LCORL: variants seen among roughly 807,000 people sequenced by gnomAD.
LCORL encodes the protein ligand dependent nuclear receptor corepressor like, also known as ligand-dependent nuclear receptor corepressor-like protein.
Under a neutral mutation model 141.8 loss-of-function variants are expected in LCORL, and 41 were observed. That is an observed-to-expected ratio of 0.29 (90% CI 0.23 to 0.38). LCORL has a LOEUF of 0.38. LCORL is among the 10% of genes least tolerant of loss of function. LCORL has a pLI of 1.00. For missense variants in LCORL, 1,759 were observed against 2,035.0 expected, an observed-to-expected ratio of 0.86 and a Z score of 2.61; for synonymous variants, 618 against 694.1, an observed-to-expected ratio of 0.89 and a Z score of 1.72.
chr4:17,927,398 C>T (rs763158528), intron 4 of LCORL, among the ~76,000 whole-genome samples: 2 of 152,182 alleles, frequency 1.3e-5, no homozygotes, highest in East Asian at 1.9e-4. Flanking sequence ...ATGTATTCAC[C>T]GGATTAGCAC....
chr4:17,933,210 G>A (rs1736331249), intron 4 of LCORL, among the ~76,000 whole-genome samples: 1 of 151,924 alleles, frequency 6.6e-6, no homozygotes, highest in Non-Finnish European at 1.5e-5. Context: ...ATATATTTCT[G>A]GAAAGCTATG....
rs569493350 is a variant in LCORL at position 17,851,134 on chromosome 4, G to T, written c.5603-5233C>A. ...CACACTCTGGGGACTGTTGTGGGGT[G>T]GGGGGAGGGGGGAGGGATAGCTTTA... On this transcript the variant is annotated intron_variant, in intron 7 of 7. Coordinates refer to ENST00000635767, the Ensembl canonical transcript of LCORL. Among the ~76,000 whole-genome samples the T allele has an allele frequency of 4.9e-3, 558 of 113,622 alleles. 16 individuals are homozygous for T. In the Admixed American group the frequency reaches 0.051, roughly 10 times the overall value. 74.5% of individuals were successfully genotyped at this position (113,622 alleles called of 152,430 possible). A position where few individuals can be genotyped will look rare whatever the true frequency, so the allele number is the denominator to read the frequency against.
intron 1 of LCORL, among the ~76,000 whole-genome samples, chr4:17,985,441 G>C (rs1398268064): frequency 2.0e-5 from 3 of 152,082 alleles, no homozygotes; most frequent in African/African-American, 4.8e-5. Flanking sequence ...TTATGAATCT[G>C]GTTGCTCCTC....
intron 1 of LCORL, among the ~76,000 whole-genome samples, chr4:17,986,805 T>G (rs1192402089): frequency 1.3e-5 from 2 of 152,210 alleles, no homozygotes; most frequent in Non-Finnish European, 2.9e-5. Flanking sequence ...ACTGAACTGT[T>G]GGTCTTTTAA....
At chr4:18,018,726 G>A (rs532080359) in intron 1 of LCORL, among the ~76,000 whole-genome samples, 10 of 152,244 alleles carry the variant, frequency 6.6e-5, no homozygotes, top group African/African-American at 2.4e-4. Flanking sequence ...CTAATTTGCT[G>A]TACAACCCTG....
intron 5 of LCORL, among the ~76,000 whole-genome samples, chr4:17,899,673 A>T (rs1314469815): frequency 6.6e-6 from 1 of 152,218 alleles, no homozygotes; most frequent in Non-Finnish European, 1.5e-5. Context: ...GATAACTTCA[A>T]GGTTATAAAG....
chr4:17,914,221 C>T (rs1388701296), intron 4 of LCORL, among the ~76,000 whole-genome samples: 1 of 152,172 alleles, frequency 6.6e-6, no homozygotes, highest in Admixed American at 6.5e-5. Flanking sequence ...CATTCTTCTT[C>T]ACCTTTTTTC....
At chr4:17,882,830 T>C (rs1424680398) in intron 6 of LCORL, 1 of 984,562 alleles carries the variant, frequency 1.0e-6, no homozygotes, top group Non-Finnish European at 1.2e-6. Context: ...ATTATCATTC[T>C]CAAGCTTTTT....
intron 5 of LCORL, among the ~76,000 whole-genome samples, chr4:17,894,660 A>G (rs1253529007): frequency 1.3e-5 from 2 of 152,202 alleles, no homozygotes; most frequent in African/African-American, 4.8e-5. Flanking sequence ...GATTGTGTTG[A>G]GATATCACAC....
At chr4:17,971,575 T>C (rs903351501) in intron 2 of LCORL, among the ~76,000 whole-genome samples, 1 of 151,792 alleles carries the variant, frequency 6.6e-6, no homozygotes, top group Non-Finnish European at 1.5e-5. Flanking sequence ...AGTGTAGTTA[T>C]GTGTTTTTTT....
intron 1 of LCORL, among the ~76,000 whole-genome samples, chr4:18,003,037 C>A (rs1004400735): frequency 6.6e-6 from 1 of 152,120 alleles, no homozygotes. Context: ...TTTTTTAAAT[C>A]GCAATCTGAC....
intron 4 of LCORL, among the ~76,000 whole-genome samples, chr4:17,953,645 C>A (rs990695868): frequency 6.6e-6 from 1 of 152,126 alleles, no homozygotes; most frequent in Non-Finnish European, 1.5e-5. Flanking sequence ...TTTTAAAAAA[C>A]CGTTGAAAGG....
intron 4 of LCORL, 36 bp downstream of exon 4, chr4:17,961,867 T>C (rs372651832): frequency 2.5e-5 from 40 of 1,582,302 alleles, no homozygotes; most frequent in Non-Finnish European, 3.3e-5. Flanking sequence ...TACATCTCTA[T>C]TGCAAATTTT....
intron 5 of LCORL, among the ~76,000 whole-genome samples, chr4:17,890,273 G>A (rs1728888455): frequency 6.6e-6 from 1 of 151,950 alleles, no homozygotes; most frequent in East Asian, 1.9e-4. Flanking sequence ...TTAATTTTTG[G>A]TGAATAAGTA....
In LCORL at chr4:17,996,799, C is replaced by T. The variant is rs970246247; in HGVS notation, c.155-23914G>A. Among the ~76,000 whole-genome samples the T allele has an allele frequency of 2.0e-5, 3 of 152,074 alleles. No homozygotes were observed. The South Asian group carries it at 6.2e-4, about 32-fold the overall frequency. On this transcript the variant is annotated intron_variant, in intron 1 of 7. Coordinates refer to ENST00000635767, the Ensembl canonical transcript of LCORL. ...AAATTCCAGGTTCACTAAAACCTCTCTCTCAAGGCTTTTATAATGGATATC... is the reference window on the plus strand; with the variant it reads ...AAATTCCAGGTTCACTAAAACCTCTTTCTCAAGGCTTTTATAATGGATATC...
intron 1 of LCORL, among the ~76,000 whole-genome samples, chr4:18,014,824 T>C (rs555840482): frequency 6.6e-6 from 1 of 152,336 alleles, no homozygotes; most frequent in South Asian, 2.1e-4. Flanking sequence ...TCACATTCTC[T>C]TATCTAGATT....
intron 2 of LCORL, among the ~76,000 whole-genome samples, chr4:17,969,623 T>C (rs1715560405): frequency 6.6e-6 from 1 of 152,104 alleles, no homozygotes; most frequent in Non-Finnish European, 1.5e-5. Flanking sequence ...TTCAGGATAA[T>C]ATACAAGAAT....
exon 6 of LCORL, chr4:17,886,069 C>T (rs1196398826): frequency 1.3e-6 from 2 of 1,544,036 alleles, no homozygotes; most frequent in African/African-American, 1.4e-5. Context: ...ATTGCTTACC[C>T]AGCCACTGAA....
exon 7 of LCORL, chr4:17,877,822 C>T: frequency 8.1e-7 from 1 of 1,230,690 alleles, no homozygotes; most frequent in South Asian, 4.1e-5. Flanking sequence ...TAACTGTCTG[C>T]AATTCCTCTA....
Sources: gnomAD v4.1 joint callset for allele counts (sites outside exome capture counted in the v4.1 genomes callset) on GRCh38, gnomAD v4.1.1 for gene constraint, MANE v1.5 for transcripts, NCBI Gene and HGNC (gene_info 2026-07-23, HGNC 2026-07-21) for gene names.